The following ELP4 variants were observed in gnomAD, a reference collection of about 807,000 sequenced individuals.
ELP4 encodes the protein elongator acetyltransferase complex subunit 4.
A neutral mutation model predicts 48.9 loss-of-function variants in ELP4; 51 were observed. The observed-to-expected ratio is 1.04, with a 90% confidence interval of 0.83 to 1.32. The LOEUF (loss-of-function observed/expected upper bound fraction) is 1.32. Among genes scored for constraint, ELP4 ranks in the 40% most tolerant of loss-of-function variants. ELP4 has a pLI of 0.00. For missense variants in ELP4, 519 were observed against 514.6 expected (o/e 1.01, Z -0.08); for synonymous variants, 210 against 189.2 (o/e 1.11, Z -0.90).
In ELP4 at chr11:31,646,455, A is replaced by G. The variant is rs143456042; in HGVS notation, c.928-1286A>G. The G allele has an allele frequency of 3.3e-5, 5 of 151,886 alleles. No individual in the cohort carries two copies. In the East Asian group the frequency reaches 9.8e-4, roughly 30 times the overall value. The allele number at this position is 151,886 out of a possible 1,614,324, so 9.4% of individuals were successfully genotyped here. A position where few individuals can be genotyped will look rare whatever the true frequency, so the allele number is the denominator to read the frequency against. Reference sequence around the variant, plus strand: ...TGACACAGGCTACTATGTGTTTCATAATACCAAGTCAGGTAACATTGACCA... The same window carrying G: ...TGACACAGGCTACTATGTGTTTCATGATACCAAGTCAGGTAACATTGACCA... On this transcript the variant is annotated intron_variant, in intron 7 of 9. Coordinates refer to ENST00000640961, the MANE Select transcript of ELP4 (RefSeq NM_019040.5).
intron 3 of ELP4, among the ~76,000 whole-genome samples, chr11:31,549,293 A>T (rs1477959698): frequency 6.6e-6 from 1 of 152,108 alleles, no homozygotes; most frequent in African/African-American, 2.4e-5. Flanking sequence ...TTTACAAGAA[A>T]AAAACAAATA....
chr11:31,736,645 C>A (rs1203655615), intron 9 of ELP4, among the ~76,000 whole-genome samples: 3 of 152,262 alleles, frequency 2.0e-5, no homozygotes, highest in East Asian at 1.9e-4. Flanking sequence ...AAATAAACAA[C>A]CTCATCAAAA....
At chr11:31,637,613 A>G (rs1004637858) in intron 7 of ELP4, among the ~76,000 whole-genome samples, 1 of 151,978 alleles carries the variant, frequency 6.6e-6, no homozygotes, top group East Asian at 1.9e-4. Context: ...TTAATGAGTT[A>G]TCTTTTTCTT....
Position 31,650,118 on chromosome 11 carries a change from T to A in ELP4, c.1040T>A (p.Leu347Ter). 7.6e-7 allele frequency: 1 copy of A among 1,322,564 alleles called. No homozygotes were observed. The highest frequency in any genetic ancestry group is 1.1e-6 in the Non-Finnish European group (1 of 930,028). The allele number at this position is 1,322,564 out of a possible 1,614,324, so 81.9% of individuals were successfully genotyped here. A position where few individuals can be genotyped will look rare whatever the true frequency, so the allele number is the denominator to read the frequency against. ...TNPLYKDYHG[L>*]IHIRQIPRLN... ...CTTTTAATTTCTTTTCCACAAGGAT[T>A]GATTCATATACGGCAGATTCCTCGG... The change falls in exon 9 of 10, where the codon TTG (leucine) becomes TAG (stop). Residue 347 changes from leucine to a stop codon, truncating the protein, a stop_gained. Transcript: ENST00000640961. LOFTEE classifies it high-confidence loss of function.
chr11:31,691,887 A>C (rs1946288838), intron 9 of ELP4, among the ~76,000 whole-genome samples: 2 of 152,180 alleles, frequency 1.3e-5, no homozygotes, highest in African/African-American at 4.8e-5. Context: ...AAGTTATGAT[A>C]TCTCTTAACA....
chr11:31,755,499 G>A (rs559536584), intron 9 of ELP4, among the ~76,000 whole-genome samples: 28 of 152,272 alleles, frequency 1.8e-4, no homozygotes, highest in Admixed American at 7.2e-4. Context: ...GGTAAAATGC[G>A]CTGAGAAGCA....
intron 4 of ELP4, among the ~76,000 whole-genome samples, chr11:31,595,934 A>G (rs748858538): frequency 1.3e-5 from 2 of 152,054 alleles, no homozygotes; most frequent in Non-Finnish European, 2.9e-5. Flanking sequence ...ACATTCAACT[A>G]TCTTTTGAGA....
intron 3 of ELP4, among the ~76,000 whole-genome samples, chr11:31,549,705 C>G (rs1298534560): frequency 1.3e-5 from 2 of 152,162 alleles, no homozygotes; most frequent in African/African-American, 4.8e-5. Context: ...TATTGCGGCA[C>G]TATTCACAAT....
intron 9 of ELP4, among the ~76,000 whole-genome samples, chr11:31,764,027 G>A (rs1947998936): frequency 6.6e-6 from 1 of 151,946 alleles, no homozygotes; most frequent in Non-Finnish European, 1.5e-5. Context: ...AAAGTTGTAA[G>A]TATTTTCTTA....
intron 9 of ELP4, among the ~76,000 whole-genome samples, chr11:31,726,455 G>T (rs1301485746): frequency 6.6e-6 from 1 of 152,160 alleles, no homozygotes; most frequent in Non-Finnish European, 1.5e-5. Flanking sequence ...GGGATCATTT[G>T]TGATTTTTGG....
chr11:31,708,530 A>G (rs996789185), intron 9 of ELP4, among the ~76,000 whole-genome samples: 2 of 152,094 alleles, frequency 1.3e-5, no homozygotes, highest in Non-Finnish European at 2.9e-5. Flanking sequence ...TTTAAATAAT[A>G]TACTTCTGGC....
intron 9 of ELP4, among the ~76,000 whole-genome samples, chr11:31,745,709 T>C (rs572744341): frequency 2.2e-4 from 33 of 152,242 alleles, no homozygotes; most frequent in East Asian, 1.5e-3. Context: ...TGAAACTGGA[T>C]CCCTTCCTTA....
rs1321989139 is a variant in ELP4, at chr11:31,784,980, T to C, written c.*1456T>C. On this transcript the variant is annotated 3_prime_UTR_variant, in exon 10 of 10. Transcript: ENST00000640961. ...AATCAGGTTTCTTATTCTATTTTTT[T>C]AGAATGTCGGGTTTATTTTTTTCAT... 1 of 180,556 alleles carries C rather than the reference T, an allele frequency of 5.5e-6. No individual in the cohort carries two copies. Among genetic ancestry groups the C allele is most frequent in the Non-Finnish European group, 1.2e-5 (1 of 84,468 alleles). The allele number at this position is 180,556 out of a possible 1,614,324, so 11.2% of individuals were successfully genotyped here. A position where few individuals can be genotyped will look rare whatever the true frequency, so the allele number is the denominator to read the frequency against.
chr11:31,545,005 A>G (rs1184378735), intron 3 of ELP4, among the ~76,000 whole-genome samples: 1 of 152,160 alleles, frequency 6.6e-6, no homozygotes, highest in African/African-American at 2.4e-5. Context: ...CCATCTTTAC[A>G]TCACAATCAT....
chr11:31,698,078 T>C (rs1156931543), intron 9 of ELP4, among the ~76,000 whole-genome samples: 1 of 152,194 alleles, frequency 6.6e-6, no homozygotes, highest in Non-Finnish European at 1.5e-5. Context: ...GAACAGCTGT[T>C]ATATCCAATT....
chr11:31,737,809 G>C (rs1347198020), intron 9 of ELP4, among the ~76,000 whole-genome samples: 1 of 152,144 alleles, frequency 6.6e-6, no homozygotes, highest in Non-Finnish European at 1.5e-5. Context: ...AATAAGTGTT[G>C]ACAAGGATGG....
chr11:31,541,083 G>A (rs1368133650), intron 3 of ELP4, among the ~76,000 whole-genome samples: 1 of 152,102 alleles, frequency 6.6e-6, no homozygotes, highest in Non-Finnish European at 1.5e-5. Context: ...TTAGTACATA[G>A]TTTGCAAAAT....
chr11:31,771,333 G>T lies in ELP4; in HGVS notation c.1144-12060G>T, dbSNP rs1948138128. 2.0e-5 allele frequency among the ~76,000 whole-genome samples: 3 copies of T among 152,172 alleles called. No homozygotes were observed. The South Asian group carries it at 6.2e-4, about 32-fold the overall frequency. On this transcript the variant is annotated intron_variant, in intron 9 of 9. Coordinates refer to ENST00000640961, the MANE Select transcript of ELP4 (RefSeq NM_019040.5). ...TGTCTCTTGTAGAATATGCATGTTTGCAACAATTTTTTTTTCTATTATTGC... is the reference window on the plus strand; with the variant it reads ...TGTCTCTTGTAGAATATGCATGTTTTCAACAATTTTTTTTTCTATTATTGC...
At chr11:31,616,773 A>G (rs1383123714) in intron 5 of ELP4, among the ~76,000 whole-genome samples, 1 of 152,134 alleles carries the variant, frequency 6.6e-6, no homozygotes, top group Non-Finnish European at 1.5e-5. Context: ...TTGAATAGAC[A>G]TTTCTCCAAA....
Sources: allele counts gnomAD v4.1 joint callset (sites outside exome capture counted in the v4.1 genomes callset), GRCh38; gene constraint gnomAD v4.1.1; transcripts MANE v1.5; gene names NCBI Gene and HGNC (gene_info 2026-07-23, HGNC 2026-07-21).